ELF1: variants seen among roughly 807,000 people sequenced by gnomAD.
The protein encoded by ELF1 is ETS-related transcription factor Elf-1.
A neutral mutation model predicts 59.9 loss-of-function variants in ELF1; 24 were observed. That is an observed-to-expected ratio of 0.40 (90% CI 0.29 to 0.56). The LOEUF (loss-of-function observed/expected upper bound fraction) is 0.56, where lower values mean the gene tolerates loss of function less well. Among genes scored for constraint, ELF1 ranks in the 20% least tolerant of loss-of-function variants. ELF1 has a pLI of 0.44. For missense variants in ELF1, 627 were observed against 742.2 expected (o/e 0.84, Z 1.80); for synonymous variants, 248 against 266.2 (o/e 0.93, Z 0.67).
In ELF1 at chr13:40,954,777, T is replaced by G. The variant is rs1174624785; in HGVS notation, c.254-3341A>C. Among the ~76,000 whole-genome samples, 26 of 150,402 alleles carry G rather than the reference T, an allele frequency of 1.7e-4. No homozygotes were observed. In the East Asian group the frequency reaches 4.9e-3, roughly 28 times the overall value. On this transcript the variant is annotated intron_variant, in intron 3 of 8. Transcript: ENST00000239882. ...CAATGGTGCCCAGGCTGGAGTGCAG[T>G]GGCGTGATCTCGGCTCGCTACAACC...
intron 1 of ELF1, among the ~76,000 whole-genome samples, chr13:40,988,348 A>C (rs947898677): frequency 5.3e-5 from 8 of 152,360 alleles, no homozygotes; most frequent in African/African-American, 1.9e-4. Context: ...CAAAGAAAGC[A>C]AGAAAAGCCC....
chr13:40,977,333 T>C (rs1384001969), intron 2 of ELF1, among the ~76,000 whole-genome samples: 2 of 152,106 alleles, frequency 1.3e-5, no homozygotes, highest in East Asian at 3.9e-4. Flanking sequence ...CCCATAGAAG[T>C]GCTTCATTCT....
In ELF1 at chr13:40,940,950, T is replaced by G. The variant is rs775181275; in HGVS notation, c.1227A>C (p.Glu409Asp). 5 of 1,613,664 alleles carry G rather than the reference T, an allele frequency of 3.1e-6. No individual in the cohort carries two copies. In the South Asian group the frequency reaches 5.5e-5, roughly 18 times the overall value. The change falls in exon 8 of 9, where the codon GAA (glutamate) becomes GAC (aspartate). Residue 409 changes from glutamate to aspartate, a missense_variant. Around this residue, in one of 3 missense-constraint regions of ELF1, gnomAD observed 361 missense variants for 396.1 expected, o/e 0.91. Coordinates refer to ENST00000239882, the MANE Select transcript of ELF1 (RefSeq NM_172373.4). Reference sequence around the variant, plus strand: ...TACTCTGAACGGAAGAATTTAATGTTTCATCCTGCATGGTACTGGTTCTAG... The same window carrying G: ...TACTCTGAACGGAAGAATTTAATGTGTCATCCTGCATGGTACTGGTTCTAG... ...EAARTSTMQD[E>D]TLNSSVQSIR...
intron 5 of ELF1, among the ~76,000 whole-genome samples, chr13:40,949,149 C>A (rs1870688480): frequency 6.6e-6 from 1 of 151,878 alleles, no homozygotes. Flanking sequence ...ACATGCCCGG[C>A]TAATTTTCAT....
intron 3 of ELF1, among the ~76,000 whole-genome samples, chr13:40,953,350 C>A (rs1427083918): frequency 6.6e-6 from 1 of 152,130 alleles, no homozygotes; most frequent in Non-Finnish European, 1.5e-5. Flanking sequence ...ATGCTAACCC[C>A]CAGTACCTCA....
rs149133273 is a variant in ELF1, at chr13:40,939,980, T to C, written c.1256+941A>G. Among the ~76,000 whole-genome samples, 51 of 152,258 alleles carry C rather than the reference T, an allele frequency of 3.3e-4. No individual in the cohort carries two copies. The East Asian group carries it at 9.3e-3, about 28-fold the overall frequency. ...GAATATTTTCACAAGGTCAAACATT[T>C]TAAATTGTCTATACAAAGAAGACTG... On this transcript the variant is annotated intron_variant, in intron 8 of 8. Transcript: ENST00000239882.
intron 1 of ELF1, among the ~76,000 whole-genome samples, chr13:40,993,899 AT>A (rs34145306): frequency 4.0e-5 from 6 of 149,538 alleles, no homozygotes; most frequent in Non-Finnish European, 5.9e-5. Flanking sequence ...GCACAAATCG[AT>A]TTTTTTTTTG....
At position 40,932,942 on chromosome 13, in the gene ELF1, G is replaced by A. The variant is rs1158938678; in HGVS notation, c.*483C>T. The A allele has an allele frequency of 6.2e-6, 1 of 161,784 alleles. No homozygotes were observed. The highest frequency in any genetic ancestry group is 6.1e-5 in the Admixed American group (1 of 16,340). The allele number at this position is 161,784 out of a possible 1,614,324, so 10.0% of individuals were successfully genotyped here. The stretch of plus-strand genomic sequence containing the variant: ...TATTCATAGTTCTATATTATATAGT[G>A]CAGTCAACTAAAGTCAATCTAAGTG... On this transcript the variant is annotated 3_prime_UTR_variant, in exon 9 of 9. Coordinates refer to ENST00000239882, the MANE Select transcript of ELF1 (RefSeq NM_172373.4).
chr13:41,011,026 C>T (rs1291252284), intron 1 of ELF1, among the ~76,000 whole-genome samples: 2 of 152,050 alleles, frequency 1.3e-5, no homozygotes, highest in Non-Finnish European at 2.9e-5. Context: ...ATGACAACAA[C>T]AAAAATCACT....
chr13:41,030,253 G>A (rs1250735003), intron 1 of ELF1, among the ~76,000 whole-genome samples: 2 of 152,118 alleles, frequency 1.3e-5, no homozygotes, highest in Admixed American at 1.3e-4. Flanking sequence ...AATAAGGAAT[G>A]AGCAACTGTG....
At chr13:41,047,071 G>A (rs773733563) in intron 1 of ELF1, among the ~76,000 whole-genome samples, 7 of 151,982 alleles carry the variant, frequency 4.6e-5, no homozygotes, top group Non-Finnish European at 8.8e-5. Flanking sequence ...TGATCAAATC[G>A]GCTACTGAAG....
intron 3 of ELF1, among the ~76,000 whole-genome samples, chr13:40,955,068 T>G (rs1473243582): frequency 1.3e-5 from 2 of 148,474 alleles, no homozygotes; most frequent in Non-Finnish European, 3.0e-5. Flanking sequence ...CCGCCCTGTC[T>G]GGGATGTGAG....
At chr13:41,037,414 C>T (rs1035022565) in intron 1 of ELF1, among the ~76,000 whole-genome samples, 1 of 152,122 alleles carries the variant, frequency 6.6e-6, no homozygotes, top group Non-Finnish European at 1.5e-5. Flanking sequence ...AAACTTAAAG[C>T]CAACATTTAA....
intron 2 of ELF1, among the ~76,000 whole-genome samples, chr13:40,973,996 G>A (rs73176914): frequency 2.0e-5 from 3 of 152,186 alleles, no homozygotes; most frequent in African/African-American, 7.2e-5. Context: ...AAGTAGATTA[G>A]TAGTTCCCAG....
chr13:40,943,236 T>C, intron 6 of ELF1, 92 bp from the exon 7 acceptor site: 1 of 1,101,394 alleles, frequency 9.1e-7, no homozygotes, highest in African/African-American at 1.6e-5. Flanking sequence ...GTGCCATTTA[T>C]ATTTATACAA....
intron 1 of ELF1, among the ~76,000 whole-genome samples, chr13:41,052,416 G>A (rs1032714263): frequency 6.6e-6 from 1 of 152,082 alleles, no homozygotes; most frequent in Non-Finnish European, 1.5e-5. Flanking sequence ...ATTTATGTAA[G>A]TTCATTGTCA....
chr13:40,979,928 G>A (rs1209447261), intron 2 of ELF1, among the ~76,000 whole-genome samples: 1 of 152,064 alleles, frequency 6.6e-6, no homozygotes, highest in South Asian at 2.1e-4. Context: ...CAAATGGCAC[G>A]TTATTGCTTT....
intron 2 of ELF1, among the ~76,000 whole-genome samples, chr13:40,973,732 G>A (rs1047597541): frequency 1.3e-5 from 2 of 151,698 alleles, no homozygotes; most frequent in Admixed American, 6.6e-5. Context: ...ACAAGAAACT[G>A]ACCAACACAA....
intron 2 of ELF1, among the ~76,000 whole-genome samples, chr13:40,965,012 C>T (rs1057041473): frequency 8.5e-5 from 13 of 152,206 alleles, no homozygotes; most frequent in South Asian, 6.2e-4. Context: ...TGGGTGTGCA[C>T]GCAGGCACAA....
Sources: gnomAD v4.1 joint callset for allele counts (sites outside exome capture counted in the v4.1 genomes callset) on GRCh38, gnomAD v4.1.1 for gene constraint, gnomAD v4.1.1 regional missense constraint, MANE v1.5 for transcripts, NCBI Gene and HGNC (gene_info 2026-07-23, HGNC 2026-07-21) for gene names.